Variants in ZNF782 observed in about 807,000 individuals in gnomAD.
The protein encoded by ZNF782 is zinc finger protein 782.
ZNF782 carries 12 observed loss-of-function variants against 13.0 expected under a neutral mutation model. The observed-to-expected ratio is 0.92, with a 90% CI of 0.59 to 1.50. ZNF782 has a LOEUF of 1.50. ZNF782 is among the 40% of genes most tolerant of loss of function. The pLI is 0.00. For synonymous variants in ZNF782, 284 were observed against 283.0 expected, an observed-to-expected ratio of 1.00 and a Z score of -0.04; for missense variants, 770 against 822.9, an observed-to-expected ratio of 0.94 and a Z score of 0.79.
the ZNF782 span, chr9:96,910,429 CT>C: frequency 2.4e-6 from 1 of 422,992 alleles, no homozygotes; most frequent in Non-Finnish European, 4.3e-6. Flanking sequence ...AAAAGTTAAA[CT>C]AAAAAAAAAA....
intron 5 of ZNF782, among the ~76,000 whole-genome samples, chr9:96,824,725 A>G (rs1850553311): frequency 6.9e-6 from 1 of 145,254 alleles, no homozygotes; most frequent in South Asian, 2.3e-4. Context: ...TACAAAATCA[A>G]TGTACAAAAA....
At chr9:96,888,501 A>T in the ZNF782 span, 1 of 146,424 alleles carries the variant, frequency 6.8e-6, no homozygotes, top group South Asian at 2.2e-4. Context: ...ACATAATTTT[A>T]AAAGTTATAA....
At chr9:96,842,740 C>T (rs1319923821) in intron 4 of ZNF782, among the ~76,000 whole-genome samples, 1 of 152,008 alleles carries the variant, frequency 6.6e-6, no homozygotes, top group Non-Finnish European at 1.5e-5. Context: ...CTACAAAACA[C>T]CCCATGAAGA....
upstream of ZNF782, among the ~76,000 whole-genome samples, chr9:96,855,236 T>C (rs1458634698): frequency 6.6e-6 from 1 of 152,224 alleles, no homozygotes; most frequent in Non-Finnish European, 1.5e-5. Context: ...CATTAACGAA[T>C]TTTCTTGCTT....
chr9:96,866,791 C>T (rs1045544519), intron 1 of ZNF782, among the ~76,000 whole-genome samples: 1 of 152,230 alleles, frequency 6.6e-6, no homozygotes, highest in Admixed American at 6.5e-5. Flanking sequence ...TGTCTTGCAT[C>T]AGCAAGACCT....
At chr9:96,830,417 G>A (rs1850760316) in intron 4 of ZNF782, among the ~76,000 whole-genome samples, 1 of 152,140 alleles carries the variant, frequency 6.6e-6, no homozygotes, top group Non-Finnish European at 1.5e-5. Flanking sequence ...GCAGTAATGA[G>A]GCACTCCAGA....
At chr9:96,839,836 G>A (rs964749071) in intron 4 of ZNF782, among the ~76,000 whole-genome samples, 38 of 152,134 alleles carry the variant, frequency 2.5e-4, no homozygotes, top group African/African-American at 8.9e-4. Context: ...CTCCTTATTT[G>A]TATACAGGCT....
chr9:96,819,764 C>G lies in ZNF782; in HGVS notation c.259G>C (p.Asp87His). Reference sequence around the variant, plus strand: ...TCTGGGCTCTTCTCTGAGATTTCATCAGGTTGGGAGTCTTCTAAAAATGAT... The same window carrying G: ...TCTGGGCTCTTCTCTGAGATTTCATGAGGTTGGGAGTCTTCTAAAAATGAT... ...SRNSPEDSQP[D>H]EISEKSPENQ... Residue 87 changes from aspartate to histidine, a missense_variant, in exon 6 of 6, where the codon GAT becomes CAT. Asp to His is a moderately conservative substitution (Grantham distance 81). Coordinates refer to ENST00000481138, the MANE Select transcript of ZNF782 (RefSeq NM_001001662.3). 6.2e-7 allele frequency: 1 copy of G among 1,601,812 alleles called. No homozygotes were observed. Among genetic ancestry groups the G allele is most frequent in the Middle Eastern group, 1.7e-4 (1 of 5,982 alleles).
intron 4 of ZNF782, among the ~76,000 whole-genome samples, chr9:96,828,392 T>C (rs1440959667): frequency 6.6e-6 from 1 of 152,118 alleles, no homozygotes; most frequent in Admixed American, 6.5e-5. Flanking sequence ...GGCTCAGAAA[T>C]ATGTAAAAGA....
the ZNF782 span, among the ~76,000 whole-genome samples, chr9:96,925,641 A>C: frequency 6.6e-6 from 1 of 151,704 alleles, no homozygotes; most frequent in Non-Finnish European, 1.5e-5. Context: ...AAAAAAAAAA[A>C]AAAAAAAACT....
At position 96,854,456 on chromosome 9, in the gene ZNF782, C is replaced by T. The variant is rs1406356981; in HGVS notation, c.-630G>A. ...CCCCTCTACTTTCCGAGCCGACCCC[C>T]GAGCTTCCCAAACCGCTTCCCGGGA... On this transcript the variant is annotated 5_prime_UTR_variant, in exon 1 of 6. Coordinates refer to ENST00000481138, the MANE Select transcript of ZNF782 (RefSeq NM_001001662.3). 6.6e-6 allele frequency: 1 copy of T among 152,308 alleles called. No homozygotes were observed. Among genetic ancestry groups the T allele is most frequent in the Non-Finnish European group, 1.5e-5 (1 of 68,094 alleles). The allele number at this position is 152,308 out of a possible 1,614,324, so 9.4% of individuals were successfully genotyped here. A position where few individuals can be genotyped will look rare whatever the true frequency, so the allele number is the denominator to read the frequency against.
At chr9:96,830,240 A>G (rs1431823273) in intron 4 of ZNF782, among the ~76,000 whole-genome samples, 2 of 152,208 alleles carry the variant, frequency 1.3e-5, no homozygotes, top group African/African-American at 2.4e-5. Context: ...CTGCCATGAA[A>G]GGACAAGTGG....
the ZNF782 span, chr9:96,932,501 A>AG: frequency 8.4e-7 from 1 of 1,196,008 alleles, no homozygotes; most frequent in Non-Finnish European, 1.2e-6. Flanking sequence ...CACACTGTTC[A>AG]GGGGAGCTTG....
At chr9:96,880,474 G>A (rs976258390), upstream of ZNF782, among the ~76,000 whole-genome samples, 1 of 152,142 alleles carries the variant, frequency 6.6e-6, no homozygotes, top group African/African-American at 2.4e-5. Flanking sequence ...CTAGTTTTCT[G>A]AGAGTTATTA....
At chr9:96,825,902 G>A (rs1301218115) in intron 5 of ZNF782, among the ~76,000 whole-genome samples, 3 of 150,322 alleles carry the variant, frequency 2.0e-5, no homozygotes, top group Non-Finnish European at 3.0e-5. Context: ...GGAAACAACA[G>A]GTGCTGGAGA....
upstream of ZNF782, among the ~76,000 whole-genome samples, chr9:96,858,634 C>G (rs371460547): frequency 6.6e-6 from 1 of 152,174 alleles, no homozygotes; most frequent in East Asian, 1.9e-4. The surrounding 1 kb of genome is among the most constrained non-coding windows in gnomAD (Gnocchi z 4.4). Flanking sequence ...GTGGGTGACG[C>G]TTAGGAAAAT....
At chr9:96,895,425 G>A in the ZNF782 span, 3 of 152,146 alleles carry the variant, frequency 2.0e-5, no homozygotes, top group Admixed American at 6.5e-5. Context: ...TCAAAAAAAC[G>A]GAGTCACAGC....
In ZNF782 at chr9:96,850,067, A is replaced by C. The variant is rs963298407; in HGVS notation, c.15+1880T>G. 2.0e-5 allele frequency among the ~76,000 whole-genome samples: 3 copies of C among 152,240 alleles called. No individual in the cohort carries two copies. Among genetic ancestry groups the C allele is most frequent in the Non-Finnish European group, 4.4e-5 (3 of 68,040 alleles). ...GCTTATACGCTGCTGGTAGGAATGT[A>C]AATTAGGACAACCTCTATGGAAAAA... On this transcript the variant is annotated intron_variant, in intron 3 of 5. Transcript: ENST00000481138. The surrounding 1 kb of genome is among the most constrained non-coding windows in gnomAD (Gnocchi z 4.3).
At chr9:96,824,127 T>C (rs1393258857) in intron 5 of ZNF782, among the ~76,000 whole-genome samples, 2 of 150,508 alleles carry the variant, frequency 1.3e-5, no homozygotes, top group Admixed American at 6.6e-5. Context: ...ACCAATATCC[T>C]TGATGAACAT....
Sources: allele counts gnomAD v4.1 joint callset (sites outside exome capture counted in the v4.1 genomes callset), GRCh38; gene constraint gnomAD v4.1.1; non-coding constraint Gnocchi (gnomAD v3.1); transcripts MANE v1.5; gene names NCBI Gene and HGNC (gene_info 2026-07-23, HGNC 2026-07-21).